The following LRRC56 variants were observed in gnomAD, a reference collection of about 807,000 sequenced individuals.
The protein encoded by LRRC56 is leucine rich repeat containing 56.
LRRC56 carries 41 observed loss-of-function variants against 47.8 expected under a neutral mutation model. The observed-to-expected ratio is 0.86, with a 90% CI of 0.67 to 1.11. The LOEUF is 1.11. LRRC56 is among the 50% of genes most tolerant of loss of function. LRRC56 has a pLI of 0.00. For missense variants in LRRC56, 759 were observed against 704.2 expected, an observed-to-expected ratio of 1.08 and a Z score of -0.88; for synonymous variants, 387 against 311.2, an observed-to-expected ratio of 1.24 and a Z score of -2.56.
At chr11:544,825 T>C in intron 6 of LRRC56, 45 bp downstream of exon 6, 4 of 1,196,944 alleles carry the variant, frequency 3.3e-6, no homozygotes, top group Non-Finnish European at 3.4e-6. Context: ...CATGAGGGGG[T>C]CCGATGGGAC....
At chr11:520,250 C>T in the LRRC56 span, among the ~76,000 whole-genome samples, 71 of 76,672 alleles carry the variant, frequency 9.3e-4, 1 homozygote, top group Admixed American at 6.4e-4. Context: ...CACAGGTGAG[C>T]TTTATTAGAA....
chr11:517,370 G>A, the LRRC56 span, among the ~76,000 whole-genome samples: 1 of 151,104 alleles, frequency 6.6e-6, no homozygotes, highest in African/African-American at 2.4e-5. Flanking sequence ...GGGCGCCTCT[G>A]CCCAGCTGCC....
In LRRC56 at chr11:554,861, G is replaced by C; in HGVS notation, c.*585G>C. 2 of 712,152 alleles carry C rather than the reference G, an allele frequency of 2.8e-6. No individual in the cohort carries two copies. The highest frequency in any genetic ancestry group is 4.3e-6 in the Non-Finnish European group (2 of 465,520). The allele number at this position is 712,152 out of a possible 1,614,324, so 44.1% of individuals were successfully genotyped here. On this transcript the variant is annotated 3_prime_UTR_variant, in exon 14 of 14. Coordinates refer to ENST00000270115, the MANE Select transcript of LRRC56 (RefSeq NM_198075.4). ...AACATTTCCAGCTCTCAGGTGTACAGAAATGCGGTTTACTTTGTAGGCCAC... is the reference window on the plus strand; with the variant it reads ...AACATTTCCAGCTCTCAGGTGTACACAAATGCGGTTTACTTTGTAGGCCAC...
intron 6 of LRRC56, 62 bp from the exon 7 acceptor site, chr11:549,840 G>A: frequency 6.9e-7 from 1 of 1,455,544 alleles, no homozygotes; most frequent in Non-Finnish European, 9.6e-7. Context: ...GACAGCCAAA[G>A]GCAGGTGGTG....
the LRRC56 span, among the ~76,000 whole-genome samples, chr11:507,764 C>T: frequency 6.6e-6 from 1 of 152,324 alleles, no homozygotes; most frequent in Admixed American, 6.5e-5. Flanking sequence ...TTGCGCCGAG[C>T]TCGCGACCCC....
chr11:519,107 G>C, the LRRC56 span, among the ~76,000 whole-genome samples: 1 of 151,702 alleles, frequency 6.6e-6, no homozygotes, highest in African/African-American at 2.4e-5. Flanking sequence ...GCTTTTCTCA[G>C]GTAAGAACTA....
At position 541,146 on chromosome 11, in the gene LRRC56, T is replaced by C. The variant is rs1335601075; in HGVS notation, c.177+285T>C. On this transcript the variant is annotated intron_variant, in intron 4 of 13. Coordinates refer to ENST00000270115, the MANE Select transcript of LRRC56 (RefSeq NM_198075.4). This position sits in a 1 kb window ranked among gnomAD's most constrained non-coding sequence, Gnocchi z 4.1. ...ACTGAGCCAGGCCAGAACCCACAAGTAGGGGCTGAGCATCCATTATCCTCC... is the reference window on the plus strand; with the variant it reads ...ACTGAGCCAGGCCAGAACCCACAAGCAGGGGCTGAGCATCCATTATCCTCC... Among the ~76,000 whole-genome samples the C allele has an allele frequency of 1.3e-5, 2 of 152,042 alleles. No homozygotes were observed. The highest frequency in any genetic ancestry group is 2.9e-5 in the Non-Finnish European group (2 of 67,992).
At chr11:510,113 C>A in the LRRC56 span, among the ~76,000 whole-genome samples, 1,795 of 152,178 alleles carry the variant, frequency 0.012, 46 homozygotes, top group African/African-American at 0.041. Flanking sequence ...CACCAGCCTA[C>A]ACGTTAGCTT....
chr11:517,690 A>AGTT, the LRRC56 span, among the ~76,000 whole-genome samples: 1 of 152,240 alleles, frequency 6.6e-6, no homozygotes, highest in Non-Finnish European at 1.5e-5. Context: ...ACCATCGAGA[A>AGTT]CGGGCCATGA....
upstream of LRRC56, chr11:535,424 G>C (rs1245589172): frequency 5.4e-5 from 8 of 146,988 alleles, no homozygotes; most frequent in Admixed American, 2.7e-4. Flanking sequence ...ACCGTTCACA[G>C]GCGCGACTGC....
chr11:528,020 G>A, the LRRC56 span, among the ~76,000 whole-genome samples: 1 of 151,460 alleles, frequency 6.6e-6, no homozygotes, highest in Admixed American at 6.6e-5. Context: ...ATTTTTAATA[G>A]AAACAGGGTT....
chr11:537,361 C>G (rs1051799554), upstream of LRRC56: 3 of 152,258 alleles, frequency 2.0e-5, no homozygotes, highest in Non-Finnish European at 4.4e-5. Context: ...CACGCACGTG[C>G]CAGTCCACGT....
the LRRC56 span, among the ~76,000 whole-genome samples, chr11:520,827 G>A: frequency 9.2e-5 from 14 of 152,038 alleles, no homozygotes; most frequent in Non-Finnish European, 1.8e-4. Context: ...CCCAGATGGC[G>A]AGGGCCTTTC....
chr11:532,358 C>CG, the LRRC56 span: 9 of 563,556 alleles, frequency 1.6e-5, no homozygotes, highest in Non-Finnish European at 2.6e-5. Context: ...TCAAGACAGT[C>CG]TGTGCACAGC....
At chr11:550,893 C>T (rs1589816844) in intron 8 of LRRC56, among the ~76,000 whole-genome samples, 1 of 152,294 alleles carries the variant, frequency 6.6e-6, no homozygotes, top group South Asian at 2.1e-4. Context: ...CATCCCTGGA[C>T]CCGGCCTTGG....
chr11:534,294 CCCA>C (rs1164486792), upstream of LRRC56: 1 of 1,613,164 alleles, frequency 6.2e-7, no homozygotes, highest in Non-Finnish European at 8.5e-7. Context: ...ACCGCCGGCG[CCCA>C]CCACCACCAG....
the LRRC56 span, among the ~76,000 whole-genome samples, chr11:514,672 A>G: frequency 1.3e-5 from 2 of 152,252 alleles, no homozygotes; most frequent in African/African-American, 4.8e-5. Flanking sequence ...TGGTCAATAA[A>G]GTATTTTAAA....
the LRRC56 span, among the ~76,000 whole-genome samples, chr11:511,090 G>A: frequency 2.6e-5 from 4 of 152,110 alleles, no homozygotes; most frequent in African/African-American, 7.2e-5. Context: ...GGGAGGCCGA[G>A]GCGGGCGGAT....
At chr11:548,243 T>TA (rs1014701236) in intron 6 of LRRC56, among the ~76,000 whole-genome samples, 1 of 152,242 alleles carries the variant, frequency 6.6e-6, no homozygotes, top group Admixed American at 6.5e-5. Flanking sequence ...GGCATGAAGA[T>TA]AAAGGTAAAA....
Sources: gnomAD v4.1 joint callset for allele counts (sites outside exome capture counted in the v4.1 genomes callset) on GRCh38, gnomAD v4.1.1 for gene constraint, Gnocchi (gnomAD v3.1) non-coding constraint, MANE v1.5 for transcripts, NCBI Gene and HGNC (gene_info 2026-07-23, HGNC 2026-07-21) for gene names.